The following MUSK variants were observed in gnomAD, a reference collection of about 807,000 sequenced individuals.
The protein encoded by MUSK is muscle, skeletal receptor tyrosine-protein kinase.
In MUSK, 55 loss-of-function variants were observed where a neutral mutation model predicts 88.7. The observed-to-expected ratio is 0.62, with a 90% CI of 0.50 to 0.78. The LOEUF (loss-of-function observed/expected upper bound fraction) is 0.78, where lower values mean the gene tolerates loss of function less well. MUSK is among the 30% of genes least tolerant of loss of function. The probability of loss-of-function intolerance (pLI) is 0.00; values close to 1 mark genes in which losing one functional copy is unlikely to be tolerated. For synonymous variants in MUSK, 387 were observed against 391.9 expected, an observed-to-expected ratio of 0.99 and a Z score of 0.15; for missense variants, 1,015 against 1,074.3, an observed-to-expected ratio of 0.94 and a Z score of 0.77.
At chr9:110,689,860 ATATT>A (rs1285567710) in intron 3 of MUSK, among the ~76,000 whole-genome samples, 5 of 89,154 alleles carry the variant, frequency 5.6e-5, no homozygotes. Context: ...ATATAACTAT[ATATT>A]TAAATATAAA....
intron 5 of MUSK, among the ~76,000 whole-genome samples, chr9:110,708,673 A>G (rs902980786): frequency 4.6e-5 from 7 of 152,180 alleles, no homozygotes; most frequent in Non-Finnish European, 8.8e-5. Context: ...AAAAAGTTCT[A>G]TAAGGCTTTC....
chr9:110,775,789 G>T lies in MUSK; in HGVS notation c.1186G>T (p.Glu396Ter). The change falls in exon 10 of 15, where the codon GAG becomes TAG. Residue 396 changes from glutamate (E) to a stop codon, truncating the protein, a stop_gained and splice_region_variant. Coordinates refer to ENST00000374448, the MANE Select transcript of MUSK (RefSeq NM_005592.4). LOFTEE classifies it high-confidence loss of function. ...VVPTPIPICR[E>*]YCLAVKELFC... ...TTTGTTCTCCATATACTATTTTAGA[G>T]AGTACTGCTTGGCAGTAAAGGAGCT... 1 of 1,613,420 alleles carries T rather than the reference G, an allele frequency of 6.2e-7. No homozygotes were observed. Among genetic ancestry groups the T allele is most frequent in the Non-Finnish European group, 8.5e-7 (1 of 1,179,400 alleles).
intron 3 of MUSK, among the ~76,000 whole-genome samples, chr9:110,689,562 A>G (rs1415344110): frequency 1.7e-5 from 1 of 60,460 alleles, no homozygotes; most frequent in African/African-American, 9.0e-5. Flanking sequence ...TTTATATATT[A>G]TATATATTTA....
rs1333284965 is a variant in MUSK at position 110,781,353 on chromosome 9, T to C, written c.1385-3462T>C. On this transcript the variant is annotated intron_variant, in intron 11 of 14. Coordinates refer to ENST00000374448, the MANE Select transcript of MUSK (RefSeq NM_005592.4). ...GTGCAGTGGCACAATCTTGGTTCAC[T>C]GCAAGCTCCGCCTCCCGGGTTCACG... is the stretch of plus-strand genomic sequence containing the variant. 1.1e-4 allele frequency among the ~76,000 whole-genome samples: 16 copies of C among 152,180 alleles called. 1 individual carries two copies. The highest frequency in any genetic ancestry group is 2.9e-5 in the Non-Finnish European group (2 of 68,036).
intron 1 of MUSK, among the ~76,000 whole-genome samples, chr9:110,678,987 G>T (rs150855822): frequency 6.6e-6 from 1 of 151,702 alleles, no homozygotes; most frequent in African/African-American, 2.4e-5. Flanking sequence ...CTTTGAGCTG[G>T]GTTAAAATCT....
intron 9 of MUSK, among the ~76,000 whole-genome samples, chr9:110,769,551 T>C (rs2077537665): frequency 6.6e-6 from 1 of 152,142 alleles, no homozygotes; most frequent in South Asian, 2.1e-4. Context: ...TAAGAAATAC[T>C]GATGCTATTT....
intron 13 of MUSK, among the ~76,000 whole-genome samples, 184 bp downstream of exon 13, chr9:110,785,902 A>G (rs2077850516): frequency 6.7e-6 from 1 of 148,720 alleles, no homozygotes; most frequent in South Asian, 2.1e-4. Context: ...ATATATATAC[A>G]CACACACATA....
chr9:110,743,082 G>A (rs890255745), intron 6 of MUSK, among the ~76,000 whole-genome samples: 4 of 152,216 alleles, frequency 2.6e-5, no homozygotes, highest in Non-Finnish European at 5.9e-5. Flanking sequence ...GAATGAAACA[G>A]AGTTTGAACT....
intron 14 of MUSK, among the ~76,000 whole-genome samples, chr9:110,798,003 T>C (rs1287566793): frequency 6.6e-6 from 1 of 152,202 alleles, no homozygotes; most frequent in Non-Finnish European, 1.5e-5. Context: ...CTCATTTTTA[T>C]TGTCCAACAA....
At chr9:110,763,539 G>A (rs536519018) in intron 8 of MUSK, among the ~76,000 whole-genome samples, 4 of 152,302 alleles carry the variant, frequency 2.6e-5, no homozygotes, top group African/African-American at 4.8e-5. Flanking sequence ...GACACTAGAC[G>A]CGAAAGAATA....
At position 110,682,813 on chromosome 9, in the gene MUSK, C is replaced by T. The variant is rs2076149802; in HGVS notation, c.206+13C>T. 6.2e-7 allele frequency: 1 copy of T among 1,604,820 alleles called. No homozygotes were observed. Among genetic ancestry groups the T allele is most frequent in the Non-Finnish European group, 8.5e-7 (1 of 1,174,328 alleles). Reference sequence around the variant, plus strand: ...AAATTCTCATTAAGTAAGTATTCCACATTTTAATTTTTTTAAATTTTTGTG... The same window carrying T: ...AAATTCTCATTAAGTAAGTATTCCATATTTTAATTTTTTTAAATTTTTGTG... On this transcript the variant is annotated intron_variant, in intron 2 of 14. Coordinates refer to ENST00000374448, the MANE Select transcript of MUSK (RefSeq NM_005592.4).
intron 6 of MUSK, among the ~76,000 whole-genome samples, chr9:110,743,476 T>C (rs1417011914): frequency 6.6e-6 from 1 of 152,266 alleles, no homozygotes; most frequent in African/African-American, 2.4e-5. Context: ...TTTATAGTTA[T>C]ACCAGTAATA....
chr9:110,712,199 G>A (rs568655048), intron 5 of MUSK, among the ~76,000 whole-genome samples: 1 of 151,416 alleles, frequency 6.6e-6, no homozygotes, highest in Admixed American at 6.6e-5. Context: ...TGGGGAGAAG[G>A]GTCTCTGCTG....
At chr9:110,777,960 G>A (rs1005637610) in intron 11 of MUSK, among the ~76,000 whole-genome samples, 2 of 152,038 alleles carry the variant, frequency 1.3e-5, no homozygotes, top group African/African-American at 4.8e-5. Context: ...TTGAGTTAAG[G>A]CAATTATTAT....
At chr9:110,715,980 G>A (rs1308703065) in intron 5 of MUSK, among the ~76,000 whole-genome samples, 1 of 149,392 alleles carries the variant, frequency 6.7e-6, no homozygotes, top group Admixed American at 6.6e-5. Context: ...GAGGCTGGGA[G>A]TGGGAGGAAG....
At chr9:110,697,125 G>A (rs1284973910) in intron 4 of MUSK, among the ~76,000 whole-genome samples, 200 bp from the exon 5 acceptor site, 2 of 150,218 alleles carry the variant, frequency 1.3e-5, no homozygotes, top group Non-Finnish European at 3.0e-5. Context: ...ATACCTCATA[G>A]GACCCTGGTG....
At chr9:110,777,752 A>G (rs536274039) in intron 11 of MUSK, among the ~76,000 whole-genome samples, 2 of 152,224 alleles carry the variant, frequency 1.3e-5, no homozygotes, top group East Asian at 3.9e-4. Flanking sequence ...AATACACAAA[A>G]AAGCATCCAC....
chr9:110,768,576 A>G lies in MUSK; in HGVS notation c.1184+493A>G, dbSNP rs543026573. ...AAGATAACCTAAAATACAAGTACTT[A>G]GAACCTCTAGAAAATATCATAAATG... On this transcript the variant is annotated intron_variant, in intron 9 of 14. Transcript: ENST00000374448. 3.3e-5 allele frequency among the ~76,000 whole-genome samples: 5 copies of G among 152,340 alleles called. No individual in the cohort carries two copies. The South Asian group carries it at 1.0e-3, about 32-fold the overall frequency.
chr9:110,701,127 A>G (rs1035404027), intron 5 of MUSK, among the ~76,000 whole-genome samples: 1 of 152,166 alleles, frequency 6.6e-6, no homozygotes, highest in African/African-American at 2.4e-5. Flanking sequence ...GTGAGGATGA[A>G]GTGAGTTCTA....
Sources: gnomAD v4.1 joint callset for allele counts (sites outside exome capture counted in the v4.1 genomes callset) on GRCh38, gnomAD v4.1.1 for gene constraint, MANE v1.5 for transcripts, NCBI Gene and HGNC (gene_info 2026-07-23, HGNC 2026-07-21) for gene names.